The following SAMD4A variants were observed in gnomAD, a reference collection of about 807,000 sequenced individuals.
The protein encoded by SAMD4A is sterile alpha motif domain containing 4A.
Under a neutral mutation model 81.3 loss-of-function variants are expected in SAMD4A, and 33 were observed. The observed-to-expected ratio is 0.41, with a 90% CI of 0.31 to 0.54. The LOEUF is 0.54. Among genes scored for constraint, SAMD4A ranks in the 20% least tolerant of loss-of-function variants. The probability of loss-of-function intolerance (pLI) is 0.37; values close to 1 mark genes in which losing one functional copy is unlikely to be tolerated. For synonymous variants in SAMD4A, 389 were observed against 382.1 expected, an observed-to-expected ratio of 1.02 and a Z score of -0.21; for missense variants, 854 against 951.1, an observed-to-expected ratio of 0.90 and a Z score of 1.34.
At chr14:54,653,630 G>A (rs943658023) in intron 2 of SAMD4A, among the ~76,000 whole-genome samples, 4 of 152,008 alleles carry the variant, frequency 2.6e-5, no homozygotes, top group Non-Finnish European at 4.4e-5. Context: ...ATGAGCCACC[G>A]TGCCTAGCCT....
chr14:54,608,952 A>C (rs928017053), intron 2 of SAMD4A, among the ~76,000 whole-genome samples: 8 of 152,252 alleles, frequency 5.3e-5, no homozygotes, highest in Admixed American at 2.0e-4. Context: ...AGAATAAGTA[A>C]AAGGCGCTTT....
chr14:54,756,863 C>T (rs745379526), intron 6 of SAMD4A, among the ~76,000 whole-genome samples: 2 of 152,234 alleles, frequency 1.3e-5, no homozygotes, highest in Non-Finnish European at 2.9e-5. Flanking sequence ...TTCCTTCCTG[C>T]TTGTCTCCTG....
chr14:54,666,089 C>G (rs780555678), intron 2 of SAMD4A, among the ~76,000 whole-genome samples: 1 of 152,082 alleles, frequency 6.6e-6, no homozygotes, highest in Non-Finnish European at 1.5e-5. Context: ...CATCCTTGAC[C>G]AAGCAGGACT....
chr14:54,745,383 C>T (rs142833557), intron 4 of SAMD4A, among the ~76,000 whole-genome samples: 245 of 152,280 alleles, frequency 1.6e-3, no homozygotes, highest in African/African-American at 5.7e-3. Context: ...GTGTTTCCTT[C>T]CTGCTTCCTG....
chr14:54,774,813 CAAAAAAAAAA>C (rs546617416), intron 9 of SAMD4A, 111 bp from the exon 10 acceptor site: 2 of 642,004 alleles, frequency 3.1e-6, no homozygotes, highest in South Asian at 4.2e-5. Flanking sequence ...GACCCTGACT[CAAAAAAAAAA>C]AAAAAAAAAA....
Position 54,784,573 on chromosome 14 carries a change from A to G in SAMD4A, c.2081A>G (p.Asn694Ser). The G allele has an allele frequency of 6.2e-7, 1 of 1,614,178 alleles. No homozygotes were observed. The highest frequency in any genetic ancestry group is 8.5e-7 in the Non-Finnish European group (1 of 1,180,022). ...QLPVTEPDINNRLESLCLSMT... is the reference protein window; with the variant it reads ...QLPVTEPDINSRLESLCLSMT... ...CCCGTGACCGAACCTGACATCAACA[A>G]CAGGCTGGAGTCGTTGTGCCTCAGT... The change falls in exon 12 of 13, where the codon AAC becomes AGC. Residue 694 changes from asparagine to serine, a missense_variant. Asn to Ser is a conservative substitution (Grantham distance 46). This residue lies in a region of SAMD4A where 428 missense variants were observed against 471.2 expected (regional missense o/e 0.91). Transcript: ENST00000554335.
At chr14:54,669,688 G>A (rs1373672404) in intron 2 of SAMD4A, among the ~76,000 whole-genome samples, 4 of 151,976 alleles carry the variant, frequency 2.6e-5, no homozygotes, top group African/African-American at 9.7e-5. Flanking sequence ...AGGTATTGCT[G>A]TTCCTGCCTA....
chr14:54,786,199 A>G (rs2039136181), intron 12 of SAMD4A, among the ~76,000 whole-genome samples: 1 of 152,250 alleles, frequency 6.6e-6, no homozygotes, highest in East Asian at 1.9e-4. Flanking sequence ...GATGCAGTGG[A>G]TGAATCTTAA....
chr14:54,573,463 A>G (rs969723492), intron 2 of SAMD4A, among the ~76,000 whole-genome samples: 1 of 152,206 alleles, frequency 6.6e-6, no homozygotes, highest in African/African-American at 2.4e-5. Flanking sequence ...TGACAACACC[A>G]GAGAAGAGGG....
intron 3 of SAMD4A, among the ~76,000 whole-genome samples, chr14:54,720,511 C>T (rs2037233573): frequency 6.6e-6 from 1 of 152,072 alleles, no homozygotes; most frequent in South Asian, 2.1e-4. Context: ...TCACCATCTG[C>T]AATTCTTTTC....
At chr14:54,788,831 C>T in intron 12 of SAMD4A, 85 bp from the exon 13 acceptor site, 1 of 1,553,934 alleles carries the variant, frequency 6.4e-7, no homozygotes, top group Admixed American at 1.7e-5. Context: ...GCTGGGAGGC[C>T]CACCGTGCAT....
intron 2 of SAMD4A, among the ~76,000 whole-genome samples, chr14:54,674,841 G>T (rs1042533314): frequency 6.6e-6 from 1 of 152,106 alleles, no homozygotes; most frequent in African/African-American, 2.4e-5. Flanking sequence ...TCAACCTCCT[G>T]GAAATCAAGT....
chr14:54,702,360 C>T lies in SAMD4A; in HGVS notation c.495C>T (p.Arg165=). 2 of 1,614,178 alleles carry T rather than the reference C, an allele frequency of 1.2e-6. No individual in the cohort carries two copies. Among genetic ancestry groups the T allele is most frequent in the South Asian group, 1.1e-5 (1 of 91,080 alleles). Residue 165 remains arginine, a synonymous_variant, in exon 3 of 13, where the codon CGC becomes CGT. Coordinates refer to ENST00000554335, the MANE Select transcript of SAMD4A (RefSeq NM_015589.6). ...STSFGGQNRG[R]SDSVDYGQTH... ...GCTTTGGTGGCCAGAACCGAGGCCG[C>T]TCAGACTCTGTGGATTATGGACAGA...
At chr14:54,722,936 C>A (rs945526671) in intron 3 of SAMD4A, among the ~76,000 whole-genome samples, 1 of 152,092 alleles carries the variant, frequency 6.6e-6, no homozygotes, top group Non-Finnish European at 1.5e-5. Context: ...AATAAAATGT[C>A]GGCATTGCTC....
rs560375603 is a variant in SAMD4A, at chr14:54,694,501, G to A, written c.197-7561G>A. On this transcript the variant is annotated intron_variant, in intron 2 of 12. Transcript: ENST00000554335. ...TGAGAGTGAGAGCAAGAGTTGGGTT[G>A]TGGACATGTTGACTTTGAGATCATC... is the stretch of plus-strand genomic sequence containing the variant. The A allele has an allele frequency of 1.7e-3, 645 of 371,948 alleles. 1 individual carries two copies. The highest frequency in any genetic ancestry group is 2.2e-3 in the Non-Finnish European group (582 of 268,580). 23.0% of individuals were successfully genotyped at this position (371,948 alleles called of 1,614,324 possible).
At chr14:54,689,223 G>A (rs560360715) in intron 2 of SAMD4A, among the ~76,000 whole-genome samples, 18 of 152,140 alleles carry the variant, frequency 1.2e-4, no homozygotes, top group Admixed American at 3.3e-4. Context: ...ATGAGCCACC[G>A]CGCCCGGCCC....
chr14:54,672,904 G>A (rs2359349), intron 2 of SAMD4A, among the ~76,000 whole-genome samples: 44,390 of 152,008 alleles, frequency 0.29, 6,872 homozygotes, highest in Admixed American at 0.42. Flanking sequence ...AAATATCACC[G>A]TGTTAACAGT....
intron 3 of SAMD4A, among the ~76,000 whole-genome samples, chr14:54,722,347 C>T (rs1235859953): frequency 1.3e-5 from 2 of 152,152 alleles, no homozygotes; most frequent in Non-Finnish European, 2.9e-5. Flanking sequence ...CACTGGCATA[C>T]AGTTGTTTAT....
chr14:54,715,756 G>A (rs1257480123), intron 3 of SAMD4A, among the ~76,000 whole-genome samples: 2 of 152,102 alleles, frequency 1.3e-5, no homozygotes, highest in African/African-American at 4.8e-5. Flanking sequence ...ATTCAGCCTG[G>A]AATAATAATG....
Sources: allele counts gnomAD v4.1 joint callset (sites outside exome capture counted in the v4.1 genomes callset), GRCh38; gene constraint gnomAD v4.1.1; regional missense constraint gnomAD v4.1.1; transcripts MANE v1.5; gene names NCBI Gene and HGNC (gene_info 2026-07-23, HGNC 2026-07-21).